HBS1L: variants seen among roughly 807,000 people sequenced by gnomAD.
HBS1L encodes the protein HBS1-like protein.
In HBS1L, 55 loss-of-function variants were observed where a neutral mutation model predicts 88.9. That is an observed-to-expected ratio of 0.62 (90% CI 0.50 to 0.77). HBS1L has a LOEUF of 0.77. Ranked by LOEUF, HBS1L falls within the 30% of genes least tolerant of loss-of-function variation. The probability of loss-of-function intolerance (pLI) is 0.00; values close to 1 mark genes in which losing one functional copy is unlikely to be tolerated. For missense variants in HBS1L, 741 were observed against 829.3 expected (o/e 0.89, Z 1.31); for synonymous variants, 267 against 288.5 (o/e 0.93, Z 0.76).
chr6:135,053,914 T>C (rs1221479557), intron 1 of HBS1L, among the ~76,000 whole-genome samples: 1 of 152,204 alleles, frequency 6.6e-6, no homozygotes, highest in African/African-American at 2.4e-5. Context: ...ACAGACATTT[T>C]TATTTCATTT....
At chr6:135,033,684 A>G (rs949398793) in intron 4 of HBS1L, among the ~76,000 whole-genome samples, 1 of 152,232 alleles carries the variant, frequency 6.6e-6, no homozygotes, top group Non-Finnish European at 1.5e-5. Flanking sequence ...TTCACCCTAG[A>G]AGGTCTACTA....
chr6:134,995,783 A>G (rs927253387), intron 7 of HBS1L, among the ~76,000 whole-genome samples: 10 of 152,018 alleles, frequency 6.6e-5, no homozygotes, highest in African/African-American at 2.2e-4. Context: ...AATTTTTCTT[A>G]CTAGGATAGA....
intron 4 of HBS1L, among the ~76,000 whole-genome samples, chr6:135,026,135 T>A (rs1221944740): frequency 6.6e-6 from 1 of 152,224 alleles, no homozygotes; most frequent in Non-Finnish European, 1.5e-5. Flanking sequence ...AAACTGTTTT[T>A]AAAAACTGTT....
At chr6:135,017,189 C>T (rs531865363) in intron 4 of HBS1L, among the ~76,000 whole-genome samples, 1 of 152,100 alleles carries the variant, frequency 6.6e-6, no homozygotes, top group Non-Finnish European at 1.5e-5. Flanking sequence ...ACCAGATGGC[C>T]TTTTAAGGTT....
At chr6:135,037,768 T>G (rs1334989417) in intron 4 of HBS1L, 1 of 1,550,656 alleles carries the variant, frequency 6.4e-7, no homozygotes, top group East Asian at 2.4e-5. Context: ...TCTTGACATA[T>G]CATGAATTAG....
chr6:135,002,075 A>G (rs1367716361), intron 5 of HBS1L, among the ~76,000 whole-genome samples: 1 of 152,040 alleles, frequency 6.6e-6, no homozygotes, highest in Admixed American at 6.5e-5. Context: ...TAACAATTGA[A>G]AATTCTGAAA....
intron 3 of HBS1L, 128 bp from the exon 4 acceptor site, chr6:135,039,895 A>T (rs1776676158): frequency 1.5e-6 from 1 of 668,098 alleles, no homozygotes; most frequent in Non-Finnish European, 2.5e-6. Context: ...TTTGGCAAAA[A>T]TTATCTCTAA....
At chr6:134,966,857 A>C (rs904694772) in intron 16 of HBS1L, among the ~76,000 whole-genome samples, 16 of 151,932 alleles carry the variant, frequency 1.1e-4, no homozygotes, top group Non-Finnish European at 1.9e-4. Flanking sequence ...TATTTCTATA[A>C]AAAAGTATTT....
chr6:135,049,189 G>A (rs923503528), intron 2 of HBS1L, among the ~76,000 whole-genome samples: 6 of 152,172 alleles, frequency 3.9e-5, no homozygotes, highest in Non-Finnish European at 8.8e-5. Flanking sequence ...CCAAGATCAA[G>A]GCAGTCTGTG....
intron 3 of HBS1L, among the ~76,000 whole-genome samples, chr6:135,041,745 GA>G (rs567637597): frequency 6.6e-6 from 1 of 152,030 alleles, no homozygotes; most frequent in African/African-American, 2.4e-5. Context: ...CTCTCCCATG[GA>G]AAAAAATTTT....
intron 1 of HBS1L, among the ~76,000 whole-genome samples, chr6:135,054,418 T>C (rs918111711): frequency 6.6e-6 from 1 of 152,222 alleles, no homozygotes; most frequent in Admixed American, 6.5e-5. Context: ...TATGACGCTA[T>C]GCAGCACCTC....
chr6:135,037,179 G>T (rs751582533), intron 4 of HBS1L: 5 of 1,551,702 alleles, frequency 3.2e-6, no homozygotes, highest in East Asian at 4.9e-5. Context: ...CTGATATTCC[G>T]GGTGAAGACT....
intron 7 of HBS1L, among the ~76,000 whole-genome samples, chr6:134,994,883 T>C (rs540411245): frequency 6.6e-6 from 1 of 152,148 alleles, no homozygotes; most frequent in South Asian, 2.1e-4. Context: ...ATAAACTAGG[T>C]TTGCCCCAGA....
intron 16 of HBS1L, among the ~76,000 whole-genome samples, chr6:134,967,509 G>A (rs1774350025): frequency 6.6e-6 from 1 of 152,158 alleles, no homozygotes; most frequent in African/African-American, 2.4e-5. Context: ...AGGAATGAAA[G>A]GGAAAGGCCA....
At chr6:135,041,724 C>CT (rs1776742346) in intron 3 of HBS1L, among the ~76,000 whole-genome samples, 1 of 152,148 alleles carries the variant, frequency 6.6e-6, no homozygotes, top group Non-Finnish European at 1.5e-5. Context: ...CTTAACGAAT[C>CT]ACTAGAGTTT....
intron 8 of HBS1L, among the ~76,000 whole-genome samples, chr6:134,989,798 A>G (rs1583078985): frequency 6.6e-6 from 1 of 152,166 alleles, no homozygotes; most frequent in African/African-American, 2.4e-5. Context: ...AATTTCCTCA[A>G]TGAGATCCAG....
At chr6:134,996,963 A>G in intron 6 of HBS1L, 21 bp from the exon 7 acceptor site, 1 of 1,538,386 alleles carries the variant, frequency 6.5e-7, no homozygotes, top group African/African-American at 1.4e-5. Flanking sequence ...TTGATTCAGG[A>G]TTAATACCAG....
chr6:135,027,799 A>C (rs571561895), intron 4 of HBS1L, among the ~76,000 whole-genome samples: 1 of 148,454 alleles, frequency 6.7e-6, no homozygotes, highest in Admixed American at 6.7e-5. Flanking sequence ...AGACAGTCTC[A>C]CTCTGTCGCC....
chr6:135,002,998 T>C (rs1298905753), intron 4 of HBS1L, among the ~76,000 whole-genome samples, 156 bp from the exon 5 acceptor site: 4 of 152,224 alleles, frequency 2.6e-5, no homozygotes, highest in African/African-American at 9.6e-5. Context: ...AAGATATTAA[T>C]GCTGAAAGAA....
Sources: gnomAD v4.1 joint callset for allele counts (sites outside exome capture counted in the v4.1 genomes callset) on GRCh38, gnomAD v4.1.1 for gene constraint, MANE v1.5 for transcripts, NCBI Gene and HGNC (gene_info 2026-07-23, HGNC 2026-07-21) for gene names.